FAT1: variants seen among roughly 807,000 people sequenced by gnomAD.
FAT1 encodes protocadherin Fat 1.
FAT1 carries 171 observed loss-of-function variants against 329.8 expected under a neutral mutation model. The ratio of observed to expected loss-of-function variants is 0.52; its 90% CI spans 0.46 to 0.59. The LOEUF is 0.59. FAT1 is among the 20% of genes least tolerant of loss of function. FAT1 has a pLI of 0.00. For missense variants in FAT1, 5,672 were observed against 5,774.4 expected (o/e 0.98, Z 0.57); for synonymous variants, 2,233 against 2,228.6 (o/e 1.00, Z -0.06).
At position 186,617,936 on chromosome 4, in the gene FAT1, G is replaced by A. The variant is rs2126489449; in HGVS notation, c.8650C>T (p.Gln2884Ter). ...ELDHEKRDNYQIKVVASDHGE... is the reference protein window; with the variant it reads ...ELDHEKRDNY ...TGATCTGATGCAACCACTTTAATCT[G>A]GTAATTGTCTCTCTTTTCATGGTCA... Residue 2884 changes from glutamine to a stop codon, truncating the protein, a stop_gained, in exon 10 of 27, where the codon CAG becomes TAG. Transcript: ENST00000441802. LOFTEE classifies it high-confidence loss of function. 6.2e-7 allele frequency: 1 copy of A among 1,613,916 alleles called. No individual in the cohort carries two copies. The highest frequency in any genetic ancestry group is 8.5e-7 in the Non-Finnish European group (1 of 1,179,882).
chr4:186,602,855 G>T, intron 20 of FAT1, 48 bp downstream of exon 20: 1 of 1,566,566 alleles, frequency 6.4e-7, no homozygotes, highest in Non-Finnish European at 8.7e-7. Flanking sequence ...AAGAAACAAT[G>T]AAACCGATTT....
At chr4:186,670,678 A>G (rs968037456) in intron 2 of FAT1, among the ~76,000 whole-genome samples, 1 of 152,218 alleles carries the variant, frequency 6.6e-6, no homozygotes, top group Non-Finnish European at 1.5e-5. Context: ...AGTAGATTGT[A>G]AGCTTCCTAT....
At chr4:186,715,419 C>T (rs1333336883) in intron 1 of FAT1, among the ~76,000 whole-genome samples, 1 of 152,214 alleles carries the variant, frequency 6.6e-6, no homozygotes, top group African/African-American at 2.4e-5. Flanking sequence ...ACTTGGCTAA[C>T]AGAATGCTAC....
Position 186,602,794 on chromosome 4 carries a change from C to T in FAT1, c.11482+109G>A, listed in dbSNP as rs1299722481. 2.5e-6 allele frequency: 3 copies of T among 1,216,352 alleles called. 1 individual carries two copies. Among genetic ancestry groups the T allele is most frequent in the South Asian group, 3.1e-5 (2 of 64,392 alleles). The allele number at this position is 1,216,352 out of a possible 1,614,324, so 75.3% of individuals were successfully genotyped here. A position where few individuals can be genotyped will look rare whatever the true frequency, so the allele number is the denominator to read the frequency against. ...ATTCATCTCCACATCTGTCTTCTTA[C>T]AATAAACATACTTTGCAATATTTTT... On this transcript the variant is annotated intron_variant, in intron 20 of 26. Transcript: ENST00000441802.
chr4:186,668,938 C>T (rs1296419353), intron 2 of FAT1, among the ~76,000 whole-genome samples: 1 of 152,102 alleles, frequency 6.6e-6, no homozygotes, highest in Non-Finnish European at 1.5e-5. Flanking sequence ...GAATGTCTAC[C>T]TATCAACTTT....
In FAT1 at chr4:186,609,974, G is replaced by A. The variant is rs1739327522; in HGVS notation, c.9895C>T (p.His3299Tyr). The A allele has an allele frequency of 1.9e-6, 3 of 1,613,258 alleles. No homozygotes were observed. The highest frequency in any genetic ancestry group is 3.3e-5 in the Admixed American group (2 of 60,014). The change falls in exon 15 of 27, where the codon CAT becomes TAT. Residue 3299 changes from histidine to tyrosine, a missense_variant. Coordinates refer to ENST00000441802, the MANE Select transcript of FAT1 (RefSeq NM_005245.4). ...GCCTCTACTGTTAGGTAATACTCAT[G>A]AGAGCTCTCATAATCCAGATTCTCA... ...IIENLDYESS[H>Y]EYYLTVEATD...
chr4:186,645,419 A>ATC (rs1431706419), intron 3 of FAT1, among the ~76,000 whole-genome samples: 15 of 73,336 alleles, frequency 2.0e-4, no homozygotes, highest in African/African-American at 8.7e-4. Context: ...ATATATATAT[A>ATC]TATGCCTGTA....
chr4:186,662,255 C>A (rs1705933973), intron 3 of FAT1, among the ~76,000 whole-genome samples: 1 of 151,388 alleles, frequency 6.6e-6, no homozygotes, highest in East Asian at 1.9e-4. Flanking sequence ...ATACCTCTGA[C>A]TTTTCTCTTA....
rs1739850935 is a variant in FAT1 at position 186,618,633 on chromosome 4, C to G, written c.7953G>C (p.Leu2651=). 2 of 1,613,916 alleles carry G rather than the reference C, an allele frequency of 1.2e-6. No individual in the cohort carries two copies. Among genetic ancestry groups the G allele is most frequent in the African/African-American group, 2.7e-5 (2 of 74,934 alleles). Residue 2651 remains leucine (L), a synonymous_variant, in exon 10 of 27, where the codon CTG becomes CTC. Transcript: ENST00000441802. ...TCTCCTTTGTAGTGATTACGCCGGACAGTTTGTTAATTTCCAAATTCTCTT... is the reference window on the plus strand; with the variant it reads ...TCTCCTTTGTAGTGATTACGCCGGAGAGTTTGTTAATTTCCAAATTCTCTT... ...SVKENLEINK[L]SGVITTKESL...
At chr4:186,690,514 G>T (rs1269410131) in intron 2 of FAT1, among the ~76,000 whole-genome samples, 1 of 152,090 alleles carries the variant, frequency 6.6e-6, no homozygotes, top group Admixed American at 6.5e-5. Context: ...TAACCAACAT[G>T]GTAAAACTCC....
chr4:186,646,487 G>A (rs984923983), intron 3 of FAT1, among the ~76,000 whole-genome samples: 5 of 152,094 alleles, frequency 3.3e-5, no homozygotes, highest in African/African-American at 1.2e-4. Flanking sequence ...TGGCCACTAT[G>A]CACTTGAAAC....
intron 1 of FAT1, among the ~76,000 whole-genome samples, chr4:186,720,166 C>A (rs1308948387): frequency 6.6e-6 from 1 of 152,220 alleles, no homozygotes; most frequent in Non-Finnish European, 1.5e-5. Flanking sequence ...AGTAATGTAA[C>A]ATCTTGACCT....
intron 2 of FAT1, among the ~76,000 whole-genome samples, chr4:186,696,822 G>A (rs145830261): frequency 0.01 from 1,575 of 152,204 alleles, 13 homozygotes; most frequent in Non-Finnish European, 0.015. Context: ...TCAGGAGTTC[G>A]AGACCAGCCT....
At chr4:186,647,404 C>T (rs1405716488) in intron 3 of FAT1, among the ~76,000 whole-genome samples, 1 of 152,170 alleles carries the variant, frequency 6.6e-6, no homozygotes, top group Non-Finnish European at 1.5e-5. Context: ...CAGCTAAATG[C>T]AAAGCTGAGA....
In FAT1 at chr4:186,596,325, C is replaced by T. The variant is rs998920081; in HGVS notation, c.13000+215G>A. Among the ~76,000 whole-genome samples the T allele has an allele frequency of 3.9e-5, 6 of 152,242 alleles. No homozygotes were observed. The East Asian group carries it at 1.2e-3, about 29-fold the overall frequency. On this transcript the variant is annotated intron_variant, in intron 25 of 26. Coordinates refer to ENST00000441802, the MANE Select transcript of FAT1 (RefSeq NM_005245.4). This position sits in a 1 kb window ranked among gnomAD's most constrained non-coding sequence, Gnocchi z 4.7. Reference sequence around the variant, plus strand: ...TGATCTCTCCAGAATATTAACTAAACATGACTAGATTCAATTTCTTAATTA... The same window carrying T: ...TGATCTCTCCAGAATATTAACTAAATATGACTAGATTCAATTTCTTAATTA...
intron 22 of FAT1, among the ~76,000 whole-genome samples, chr4:186,599,204 C>T (rs1738674330): frequency 6.6e-6 from 1 of 152,160 alleles, no homozygotes; most frequent in East Asian, 1.9e-4. Context: ...CCACTCTACG[C>T]ACACAGAATG....
intron 3 of FAT1, among the ~76,000 whole-genome samples, chr4:186,641,210 T>C (rs1741074774): frequency 1.3e-5 from 2 of 152,146 alleles, no homozygotes; most frequent in African/African-American, 4.8e-5. Flanking sequence ...CGAAACAGTG[T>C]TCTCTTTTTA....
chr4:186,619,596 A>G lies in FAT1; in HGVS notation c.6990T>C (p.His2330=), dbSNP rs1739923028. The part of the protein sequence containing the change: ...YQMFGNHSKS[H]DHFHVDSSTG... ...TGCTGCTGTCTACATGAAAATGATC[A>G]TGACTCTTGCTGTGATTCCCAAACA... The change falls in exon 10 of 27, where the codon CAT becomes CAC. Residue 2330 remains histidine, a synonymous_variant. Coordinates refer to ENST00000441802, the MANE Select transcript of FAT1 (RefSeq NM_005245.4). 5 of 1,613,930 alleles carry G rather than the reference A, an allele frequency of 3.1e-6. No homozygotes were observed. The highest frequency in any genetic ancestry group is 1.3e-5 in the African/African-American group (1 of 75,048).
chr4:186,689,720 C>T (rs1342945662), intron 2 of FAT1, among the ~76,000 whole-genome samples: 1 of 152,208 alleles, frequency 6.6e-6, no homozygotes, highest in African/African-American at 2.4e-5. Context: ...CCACCCACAC[C>T]AGGCTAATTC....
Sources: allele counts gnomAD v4.1 joint callset (sites outside exome capture counted in the v4.1 genomes callset), GRCh38; gene constraint gnomAD v4.1.1; non-coding constraint Gnocchi (gnomAD v3.1); transcripts MANE v1.5; gene names NCBI Gene and HGNC (gene_info 2026-07-23, HGNC 2026-07-21).